The following DNAAF11 variants were observed in gnomAD, a reference collection of about 807,000 sequenced individuals.
DNAAF11 encodes dynein axonemal assembly factor 11.
Under a neutral mutation model 60.8 loss-of-function variants are expected in DNAAF11, and 45 were observed. That is an observed-to-expected ratio of 0.74 (90% CI 0.58 to 0.95). DNAAF11 has a LOEUF of 0.95. Among genes scored for constraint, DNAAF11 ranks in the 40% least tolerant of loss-of-function variants. The probability of loss-of-function intolerance (pLI) is 0.00; values close to 1 mark genes in which losing one functional copy is unlikely to be tolerated. For synonymous variants in DNAAF11, 191 were observed against 183.5 expected (o/e 1.04, Z -0.33); for missense variants, 546 against 546.2 (o/e 1.00, Z 0.00).
chr8:132,683,680 C>T, the DNAAF11 span, among the ~76,000 whole-genome samples: 1 of 152,160 alleles, frequency 6.6e-6, no homozygotes, highest in African/African-American at 2.4e-5. Context: ...GTATCTCTAA[C>T]ACAAAATGAA....
At chr8:132,699,225 T>C in the DNAAF11 span, among the ~76,000 whole-genome samples, 1 of 152,028 alleles carries the variant, frequency 6.6e-6, no homozygotes, top group African/African-American at 2.4e-5. Context: ...CCTAAGATGC[T>C]AGGGACATCT....
intron 1 of DNAAF11, among the ~76,000 whole-genome samples, chr8:132,670,428 A>G (rs1218563268): frequency 6.6e-6 from 1 of 152,212 alleles, no homozygotes; most frequent in Non-Finnish European, 1.5e-5. Flanking sequence ...TCACTCAAGA[A>G]TATATAGATG....
chr8:132,600,473 C>G (rs1354495611), intron 10 of DNAAF11, among the ~76,000 whole-genome samples: 1 of 152,162 alleles, frequency 6.6e-6, no homozygotes, highest in Non-Finnish European at 1.5e-5. Context: ...CAAGAAAATC[C>G]TAAGCAAAAA....
chr8:132,678,936 T>C (rs1825826706), upstream of DNAAF11, among the ~76,000 whole-genome samples: 1 of 152,122 alleles, frequency 6.6e-6, no homozygotes, highest in African/African-American at 2.4e-5. Context: ...GTTCATTCAT[T>C]CATAAGTGAA....
chr8:132,677,446 T>C (rs1401171034), upstream of DNAAF11, among the ~76,000 whole-genome samples: 1 of 151,664 alleles, frequency 6.6e-6, no homozygotes, highest in Non-Finnish European at 1.5e-5. Flanking sequence ...AAAAAAATAA[T>C]AAAGGATCTC....
intron 3 of DNAAF11, 104 bp downstream of exon 3, chr8:132,656,726 C>T: frequency 3.6e-6 from 2 of 552,332 alleles, no homozygotes; most frequent in Non-Finnish European, 6.6e-6. Flanking sequence ...CCCGCCTTGG[C>T]CTCCCAAAGT....
chr8:132,604,588 G>A (rs2129812658), intron 10 of DNAAF11, among the ~76,000 whole-genome samples: 1 of 152,272 alleles, frequency 6.6e-6, no homozygotes, highest in South Asian at 2.1e-4. Flanking sequence ...GCCTCTCAGT[G>A]CATGCAAAAT....
chr8:132,622,660 TG>T lies in DNAAF11; in HGVS notation c.864del (p.Arg289GlyfsTer3). ...TTCCCATCTTCAGTGATCAAAGTCC[TG>T]GGTGGTTTCACTTTCTTCTTTTTTT... is the stretch of plus-strand genomic sequence containing the variant. ...LSEKKKKVKP[P>X]RTLITEDGKA... On this transcript the variant is annotated frameshift_variant, in exon 7 of 12. Coordinates refer to ENST00000620350, the MANE Select transcript of DNAAF11 (RefSeq NM_012472.6). LOFTEE classifies it high-confidence loss of function. 1 of 1,613,770 alleles carries T rather than the reference TG, an allele frequency of 6.2e-7. No individual in the cohort carries two copies. Among genetic ancestry groups the T allele is most frequent in the East Asian group, 2.2e-5 (1 of 44,850 alleles).
chr8:132,676,629 A>G (rs768137085), upstream of DNAAF11, among the ~76,000 whole-genome samples: 9 of 142,072 alleles, frequency 6.3e-5, no homozygotes, highest in Admixed American at 2.6e-4. Context: ...GCTGGCAATT[A>G]TTAGAGTTTG....
At position 132,570,439 on chromosome 8, in the gene DNAAF11, G is replaced by A. The variant is rs192532172; in HGVS notation, c.*1867C>T. Among the ~76,000 whole-genome samples the A allele has an allele frequency of 6.6e-6, 1 of 152,094 alleles. No individual in the cohort carries two copies. Among genetic ancestry groups the A allele is most frequent in the Non-Finnish European group, 1.5e-5 (1 of 68,010 alleles). ...GATGGCACAGTTTTGTTTGTTTAATGGATAATTCTATTAGTTTGGTCAAAA... is the reference window on the plus strand; with the variant it reads ...GATGGCACAGTTTTGTTTGTTTAATAGATAATTCTATTAGTTTGGTCAAAA... On this transcript the variant is annotated 3_prime_UTR_variant, in exon 12 of 12. Transcript: ENST00000620350.
chr8:132,695,829 C>A, the DNAAF11 span, among the ~76,000 whole-genome samples: 1 of 151,908 alleles, frequency 6.6e-6, no homozygotes, highest in Non-Finnish European at 1.5e-5. Context: ...TAGAGTTTAA[C>A]CCGGAAAGTA....
intron 10 of DNAAF11, among the ~76,000 whole-genome samples, chr8:132,601,216 C>A (rs546424017): frequency 2.0e-5 from 3 of 152,302 alleles, no homozygotes; most frequent in Admixed American, 2.0e-4. Context: ...ATCAAAACCA[C>A]AATGAGATCC....
chr8:132,675,545 C>A lies in DNAAF11; in HGVS notation c.-52G>T. On this transcript the variant is annotated 5_prime_UTR_variant, in exon 1 of 12. Coordinates refer to ENST00000620350, the MANE Select transcript of DNAAF11 (RefSeq NM_012472.6). ...CAAGCCGGACCCGGACCTCGAATGA[C>A]GCTTTTCACCCTTCACCCCTGCTCC... 6.5e-7 allele frequency: 1 copy of A among 1,543,846 alleles called. No individual in the cohort carries two copies. The highest frequency in any genetic ancestry group is 1.2e-5 in the South Asian group (1 of 83,188).
intron 3 of DNAAF11, among the ~76,000 whole-genome samples, chr8:132,654,134 C>A (rs1472003163): frequency 1.3e-5 from 2 of 151,776 alleles, no homozygotes; most frequent in Non-Finnish European, 2.9e-5. Context: ...TATATTAATA[C>A]CAGACAAAAT....
At chr8:132,678,421 T>G (rs1197808713), upstream of DNAAF11, among the ~76,000 whole-genome samples, 1 of 152,264 alleles carries the variant, frequency 6.6e-6, no homozygotes. Flanking sequence ...GTCACCCGTT[T>G]CCTGATTAGT....
chr8:132,642,254 A>G (rs964546260), intron 3 of DNAAF11, among the ~76,000 whole-genome samples: 4 of 152,230 alleles, frequency 2.6e-5, no homozygotes, highest in African/African-American at 9.6e-5. Flanking sequence ...TTCCATACAC[A>G]TTATTTTATT....
At chr8:132,580,938 A>C (rs1251380354) in intron 11 of DNAAF11, among the ~76,000 whole-genome samples, 1 of 152,188 alleles carries the variant, frequency 6.6e-6, no homozygotes, top group Non-Finnish European at 1.5e-5. Flanking sequence ...CAGTTATAAA[A>C]CTCATAAGAC....
At position 132,610,223 on chromosome 8, in the gene DNAAF11, AT is replaced by A. The variant is rs1161225221; in HGVS notation, c.1082del (p.Asp361ValfsTer21). On this transcript the variant is annotated frameshift_variant, in exon 10 of 12. Coordinates refer to ENST00000620350, the MANE Select transcript of DNAAF11 (RefSeq NM_012472.6). LOFTEE classifies it high-confidence loss of function. ...TCTGAGATCTTTTAGCAGAACTACT[AT>A]CGGGTTTCACTTCTGCAGGAAGGAC... ...QLVLPAEVKP[D>X]SSSAKRSQTT... 6.2e-7 allele frequency: 1 copy of A among 1,613,886 alleles called. No homozygotes were observed. Among genetic ancestry groups the A allele is most frequent in the Non-Finnish European group, 8.5e-7 (1 of 1,179,922 alleles).
chr8:132,610,061 A>C, intron 10 of DNAAF11, 105 bp downstream of exon 10: 1 of 730,518 alleles, frequency 1.4e-6, no homozygotes, highest in Non-Finnish European at 2.3e-6. Flanking sequence ...GGTGCTCCCA[A>C]CTAAAATGTA....
Sources: gnomAD v4.1 joint callset for allele counts (sites outside exome capture counted in the v4.1 genomes callset) on GRCh38, gnomAD v4.1.1 for gene constraint, MANE v1.5 for transcripts, NCBI Gene and HGNC (gene_info 2026-07-23, HGNC 2026-07-21) for gene names.